Variants in L2HGDH observed in about 807,000 individuals in gnomAD.
L2HGDH encodes the protein L-2-hydroxyglutarate dehydrogenase, mitochondrial.
In L2HGDH, 34 loss-of-function variants were observed where a neutral mutation model predicts 51.5. The ratio of observed to expected loss-of-function variants is 0.66; its 90% CI spans 0.50 to 0.88. The LOEUF is 0.88. Among genes scored for constraint, L2HGDH ranks in the 40% least tolerant of loss-of-function variants. L2HGDH has a pLI of 0.00. For missense variants in L2HGDH, 558 were observed against 571.9 expected (o/e 0.98, Z 0.25); for synonymous variants, 198 against 197.9 (o/e 1.00, Z -0.01).
Position 50,245,382 on chromosome 14 carries a change from T to A in L2HGDH, c.*1676A>T, listed in dbSNP as rs1595053745. On this transcript the variant is annotated 3_prime_UTR_variant, in exon 10 of 10. Coordinates refer to ENST00000267436, the MANE Select transcript of L2HGDH (RefSeq NM_024884.3). ...TATTTCAGTTCTCAGCCACAGAGAT[T>A]GAAGAACAGGACAACCACTCAGTGT... The A allele has an allele frequency of 1.0e-6, 1 of 985,328 alleles. No homozygotes were observed. Among genetic ancestry groups the A allele is most frequent in the East Asian group, 1.1e-4 (1 of 8,830 alleles). 61.0% of individuals were successfully genotyped at this position (985,328 alleles called of 1,614,324 possible).
chr14:50,302,193 A>C (rs199720857), intron 2 of L2HGDH, 25 bp from the exon 3 acceptor site: 9 of 1,612,186 alleles, frequency 5.6e-6, no homozygotes, highest in African/African-American at 5.3e-5. Flanking sequence ...AAACAGGGTA[A>C]GAGTAAGTAC....
In L2HGDH at chr14:50,269,312, G is replaced by C. The variant is rs773405129; in HGVS notation, c.757C>G (p.Gln253Glu). 4.3e-6 allele frequency: 7 copies of C among 1,614,008 alleles called. 1 individual carries two copies. The South Asian group carries it at 7.7e-5, about 18-fold the overall frequency. ...AGTCCTGCACATGTCACAACATACT[G>C]ACATCGAATTTCCTCTCCCTAGTGC... ...KNTKGEEIRC[Q>E]YVVTCAGLYS... The change falls in exon 7 of 10, where the codon CAG becomes GAG. Residue 253 changes from glutamine (Q) to glutamate (E), a missense_variant. By Grantham distance (29) the Gln-to-Glu change is conservative. Around this residue, in one of 3 missense-constraint regions of L2HGDH, gnomAD observed 321 missense variants for 311.8 expected, o/e 1.03. Transcript: ENST00000267436.
rs374304155 is a variant in L2HGDH at position 50,258,224 on chromosome 14, T to A, written c.1196+7134A>T. Among the ~76,000 whole-genome samples the A allele has an allele frequency of 9.7e-4, 148 of 152,192 alleles. 1 individual carries two copies. Among genetic ancestry groups the A allele is most frequent in the Middle Eastern group, 6.8e-3 (2 of 292 alleles). On this transcript the variant is annotated intron_variant, in intron 9 of 9. Transcript: ENST00000267436. The stretch of plus-strand genomic sequence containing the variant: ...CCAATGTCTCTCCACTGGGTTATTT[T>A]ATTTTTTTTAGAGACAGGCCTCACT...
At chr14:50,272,298 C>T (rs1304149782) in intron 6 of L2HGDH, among the ~76,000 whole-genome samples, 6 of 152,158 alleles carry the variant, frequency 3.9e-5, no homozygotes, top group Non-Finnish European at 8.8e-5. Context: ...ATGCCATAGG[C>T]CCCTGTATAT....
intron 4 of L2HGDH, among the ~76,000 whole-genome samples, chr14:50,288,759 T>G (rs950141487): frequency 5.9e-5 from 9 of 152,188 alleles, no homozygotes; most frequent in African/African-American, 1.9e-4. Context: ...GAAAGTAACT[T>G]TGAAACAACC....
intron 9 of L2HGDH, among the ~76,000 whole-genome samples, chr14:50,259,057 A>G (rs1888842639): frequency 7.6e-6 from 1 of 131,844 alleles, no homozygotes; most frequent in Admixed American, 8.1e-5. Flanking sequence ...AAGGTCTCAT[A>G]TTGCCCAGAA....
rs202145436 is a variant in L2HGDH, at chr14:50,312,197, A to C, written c.-47T>G. The C allele has an allele frequency of 2.1e-5, 34 of 1,602,352 alleles. No individual in the cohort carries two copies. In the African/African-American group the frequency reaches 3.7e-4, roughly 18 times the overall value. ...CTCAGCGCTCAGAAGAAGCCACTTG[A>C]CCCTCCACGGCCGAGGACCCGCGCT... On this transcript the variant is annotated 5_prime_UTR_variant, in exon 1 of 10. Coordinates refer to ENST00000267436, the MANE Select transcript of L2HGDH (RefSeq NM_024884.3).
chr14:50,283,692 T>C (rs1026919213), intron 5 of L2HGDH, among the ~76,000 whole-genome samples, 179 bp downstream of exon 5: 3 of 152,238 alleles, frequency 2.0e-5, no homozygotes, highest in Non-Finnish European at 4.4e-5. Context: ...GAATGCAATG[T>C]AAATGCTATT....
intron 7 of L2HGDH, 127 bp from the exon 8 acceptor site, chr14:50,268,037 A>C: frequency 1.1e-6 from 1 of 932,078 alleles, no homozygotes; most frequent in South Asian, 1.4e-5. Flanking sequence ...AGCTGTACTC[A>C]GATATACTTT....
intron 7 of L2HGDH, 96 bp downstream of exon 7, chr14:50,269,067 T>G: frequency 2.7e-6 from 3 of 1,094,324 alleles, no homozygotes; most frequent in Admixed American, 1.9e-5. Flanking sequence ...CCTTCAAAAT[T>G]TCTCTTATTT....
intron 9 of L2HGDH, among the ~76,000 whole-genome samples, chr14:50,250,647 T>G (rs1171668512): frequency 6.6e-6 from 1 of 152,164 alleles, no homozygotes; most frequent in East Asian, 1.9e-4. Context: ...CCAGTGGTGG[T>G]GGCCACAGGA....
chr14:50,297,458 A>G (rs910575520), intron 3 of L2HGDH, among the ~76,000 whole-genome samples: 1 of 152,202 alleles, frequency 6.6e-6, no homozygotes, highest in African/African-American at 2.4e-5. Flanking sequence ...ACAGAAATCA[A>G]TCATATTCTA....
At chr14:50,263,999 T>C (rs1467235506) in intron 9 of L2HGDH, among the ~76,000 whole-genome samples, 1 of 151,106 alleles carries the variant, frequency 6.6e-6, no homozygotes, top group Non-Finnish European at 1.5e-5. Context: ...GGTCTCGAAC[T>C]CCTGACCTCA....
rs34399906 is a variant in L2HGDH, at chr14:50,310,936, CTTTTTTT to C, written c.140+1068_140+1074del. On this transcript the variant is annotated intron_variant, in intron 1 of 9. Transcript: ENST00000267436. ...GCCTCTTCTTTTTTTCTTTTCTTTT[CTTTTTTT>C]TTTTTTTTTTTTTTTTGCGAGACAG... Among the ~76,000 whole-genome samples the C allele has an allele frequency of 9.2e-3, 760 of 82,260 alleles. 12 individuals carry two copies. Among genetic ancestry groups the C allele is most frequent in the African/African-American group, 0.033 (729 of 22,172 alleles). 54.0% of individuals were successfully genotyped at this position (82,260 alleles called of 152,430 possible).
At chr14:50,290,670 A>G (rs1890824904) in intron 4 of L2HGDH, among the ~76,000 whole-genome samples, 1 of 151,868 alleles carries the variant, frequency 6.6e-6, no homozygotes, top group Non-Finnish European at 1.5e-5. Flanking sequence ...TGAATTTCAT[A>G]TATTTTTTTT....
At chr14:50,291,024 C>A (rs1404325081) in intron 4 of L2HGDH, among the ~76,000 whole-genome samples, 1 of 151,314 alleles carries the variant, frequency 6.6e-6, no homozygotes, top group African/African-American at 2.4e-5. Flanking sequence ...ATGGTGAAAC[C>A]CTGTTTCTAC....
intron 9 of L2HGDH, among the ~76,000 whole-genome samples, chr14:50,257,327 A>G (rs1888727031): frequency 6.6e-6 from 1 of 151,944 alleles, no homozygotes; most frequent in Non-Finnish European, 1.5e-5. Flanking sequence ...CTCTTAAGGT[A>G]GGTCTAACCA....
rs1443665869 is a variant in L2HGDH, at chr14:50,280,049, G to C, written c.704-1495C>G. Among the ~76,000 whole-genome samples the C allele has an allele frequency of 2.8e-5, 4 of 140,722 alleles. No individual in the cohort carries two copies. The East Asian group carries it at 8.6e-4, about 30-fold the overall frequency. 92.3% of individuals were successfully genotyped at this position (140,722 alleles called of 152,430 possible). A position where few individuals can be genotyped will look rare whatever the true frequency, so the allele number is the denominator to read the frequency against. On this transcript the variant is annotated intron_variant, in intron 5 of 9. Coordinates refer to ENST00000267436, the MANE Select transcript of L2HGDH (RefSeq NM_024884.3). ...CACTCCAGCCTGGGCAATAGGGTGAGACTCCGTCTCAAAAGAAAAAAAAAA... is the reference window on the plus strand; with the variant it reads ...CACTCCAGCCTGGGCAATAGGGTGACACTCCGTCTCAAAAGAAAAAAAAAA...
chr14:50,284,824 G>C (rs112780935), intron 4 of L2HGDH, among the ~76,000 whole-genome samples: 5 of 152,236 alleles, frequency 3.3e-5, no homozygotes, highest in African/African-American at 1.2e-4. Flanking sequence ...CCTCTCATTT[G>C]GCCAGCACAG....
Sources: gnomAD v4.1 joint callset for allele counts (sites outside exome capture counted in the v4.1 genomes callset) on GRCh38, gnomAD v4.1.1 for gene constraint, gnomAD v4.1.1 regional missense constraint, MANE v1.5 for transcripts, NCBI Gene and HGNC (gene_info 2026-07-23, HGNC 2026-07-21) for gene names.